SLC2A13: variants seen among roughly 807,000 people sequenced by gnomAD.
The protein encoded by SLC2A13 is proton myo-inositol cotransporter.
In SLC2A13, 32 loss-of-function variants were observed where a neutral mutation model predicts 64.4. The ratio of observed to expected loss-of-function variants is 0.50; its 90% CI spans 0.37 to 0.67. The LOEUF is 0.67. Ranked by LOEUF, SLC2A13 falls within the 30% of genes least tolerant of loss-of-function variation. The pLI is 0.00. For synonymous variants in SLC2A13, 338 were observed against 327.1 expected (o/e 1.03, Z -0.36); for missense variants, 743 against 829.2 (o/e 0.90, Z 1.28).
intron 4 of SLC2A13, among the ~76,000 whole-genome samples, chr12:39,875,768 G>T (rs887434831): frequency 6.6e-6 from 1 of 152,158 alleles, no homozygotes; most frequent in African/African-American, 2.4e-5. Context: ...ATGGTCTTAT[G>T]GGGAGATACA....
intron 6 of SLC2A13, among the ~76,000 whole-genome samples, chr12:39,864,383 T>C (rs954286635): frequency 5.3e-5 from 8 of 152,238 alleles, no homozygotes; most frequent in Non-Finnish European, 1.0e-4. Context: ...ATGTGCATCT[T>C]GTAAAAGTTT....
At chr12:39,934,869 C>A (rs1424347249) in intron 4 of SLC2A13, among the ~76,000 whole-genome samples, 1 of 152,116 alleles carries the variant, frequency 6.6e-6, no homozygotes, top group African/African-American at 2.4e-5. Context: ...AAACACTGTT[C>A]ATTTCTCTTC....
intron 2 of SLC2A13, among the ~76,000 whole-genome samples, chr12:40,041,894 AC>A (rs1247635229): frequency 2.0e-5 from 3 of 152,180 alleles, no homozygotes; most frequent in Non-Finnish European, 4.4e-5. Context: ...GAATTCATAG[AC>A]CATTGGAATC....
intron 7 of SLC2A13, among the ~76,000 whole-genome samples, chr12:39,779,810 A>G (rs1341314341): frequency 6.6e-6 from 1 of 152,234 alleles, no homozygotes; most frequent in South Asian, 2.1e-4. Flanking sequence ...TAAAAATTTC[A>G]AACTACACCA....
At chr12:39,797,766 A>G (rs1941630907) in intron 7 of SLC2A13, among the ~76,000 whole-genome samples, 1 of 152,040 alleles carries the variant, frequency 6.6e-6, no homozygotes, top group South Asian at 2.1e-4. Flanking sequence ...ACACACACAC[A>G]CACACACACA....
At chr12:39,856,438 G>A (rs1008358164) in intron 6 of SLC2A13, among the ~76,000 whole-genome samples, 2 of 152,090 alleles carry the variant, frequency 1.3e-5, no homozygotes, top group African/African-American at 4.8e-5. Context: ...GCGTGATCTC[G>A]GCTCACTGTA....
rs543033286 is a variant in SLC2A13, at chr12:39,951,300, C to T, written c.991G>A (p.Gly331Ser). ...GAGAGCTGCTGGAACATTTGTAGGC[C>T]ACAACCCACAATTAAAGCTCGGCGA... Reference protein sequence around the residue: ...PTRRALIVGCGLQMFQQLSGI... With the variant: ...PTRRALIVGCSLQMFQQLSGI... The change falls in exon 4 of 10, where the codon GGC (glycine) becomes AGC (serine). Residue 331 changes from glycine to serine, a missense_variant. This residue lies in a region of SLC2A13 where 295 missense variants were observed against 381.7 expected (regional missense o/e 0.77). Coordinates refer to ENST00000280871, the MANE Select transcript of SLC2A13 (RefSeq NM_052885.4). 210 of 1,612,314 alleles carry T rather than the reference C, an allele frequency of 1.3e-4. 1 individual carries two copies. In the South Asian group the frequency reaches 2.3e-3, roughly 17 times the overall value.
chr12:39,863,982 T>C (rs1943838186), intron 6 of SLC2A13, among the ~76,000 whole-genome samples: 1 of 152,214 alleles, frequency 6.6e-6, no homozygotes, highest in South Asian at 2.1e-4. Flanking sequence ...ATATACATTT[T>C]TGTTAAGGCT....
intron 4 of SLC2A13, among the ~76,000 whole-genome samples, chr12:39,901,993 C>T (rs906419175): frequency 9.9e-5 from 15 of 151,974 alleles, no homozygotes; most frequent in African/African-American, 3.4e-4. Context: ...ACATATACAC[C>T]ATGGAATACT....
At chr12:39,846,990 C>T (rs1201093803) in intron 6 of SLC2A13, among the ~76,000 whole-genome samples, 2 of 152,134 alleles carry the variant, frequency 1.3e-5, no homozygotes, top group African/African-American at 4.8e-5. Context: ...GTAGCTGTTT[C>T]ACTGGTTTCA....
intron 3 of SLC2A13, among the ~76,000 whole-genome samples, chr12:39,988,619 G>C (rs1361063489): frequency 7.0e-6 from 1 of 142,068 alleles, no homozygotes; most frequent in Non-Finnish European, 1.5e-5. Context: ...AGGAGGAGGA[G>C]GGGAAGGAGG....
intron 3 of SLC2A13, among the ~76,000 whole-genome samples, chr12:39,951,684 G>A (rs1193835975): frequency 2.0e-5 from 3 of 152,146 alleles, no homozygotes; most frequent in Admixed American, 6.6e-5. Context: ...AAGCTCTAGA[G>A]ATTAACCACT....
chr12:39,889,582 G>C (rs1483134933), intron 4 of SLC2A13, among the ~76,000 whole-genome samples: 1 of 134,660 alleles, frequency 7.4e-6, no homozygotes, highest in African/African-American at 2.8e-5. Flanking sequence ...CACTAGGCTA[G>C]ACTGCAGTAG....
chr12:40,065,757 T>C (rs1937695128), intron 1 of SLC2A13, among the ~76,000 whole-genome samples: 1 of 152,164 alleles, frequency 6.6e-6, no homozygotes, highest in Non-Finnish European at 1.5e-5. Context: ...ATAACCACAA[T>C]GGAGATAAGG....
At chr12:39,863,128 C>T (rs1331823215) in intron 6 of SLC2A13, among the ~76,000 whole-genome samples, 2 of 152,076 alleles carry the variant, frequency 1.3e-5, no homozygotes, top group Admixed American at 6.5e-5. Flanking sequence ...CAAATGGCTG[C>T]TTATTTTTGT....
At chr12:39,870,099 T>G (rs1944004879) in intron 5 of SLC2A13, among the ~76,000 whole-genome samples, 1 of 152,172 alleles carries the variant, frequency 6.6e-6, no homozygotes, top group Non-Finnish European at 1.5e-5. Flanking sequence ...GAATACCAAA[T>G]GAAGGAACGA....
intron 4 of SLC2A13, among the ~76,000 whole-genome samples, chr12:39,889,786 T>C (rs1024183334): frequency 2.6e-5 from 4 of 152,122 alleles, no homozygotes; most frequent in Non-Finnish European, 1.5e-5. Flanking sequence ...CGCCTTGGCC[T>C]CCCAAAGTGT....
At chr12:40,081,462 C>T (rs1232567256) in intron 1 of SLC2A13, among the ~76,000 whole-genome samples, 1 of 152,126 alleles carries the variant, frequency 6.6e-6, no homozygotes, top group Admixed American at 6.5e-5. Flanking sequence ...AGATTCTTTC[C>T]TCAGATTGGT....
chr12:40,034,551 T>C (rs1947949489), intron 2 of SLC2A13, among the ~76,000 whole-genome samples: 1 of 152,190 alleles, frequency 6.6e-6, no homozygotes, highest in Admixed American at 6.5e-5. Context: ...GTAATTCCAA[T>C]TAAGTTTTAT....
Sources: allele counts gnomAD v4.1 joint callset (sites outside exome capture counted in the v4.1 genomes callset), GRCh38; gene constraint gnomAD v4.1.1; regional missense constraint gnomAD v4.1.1; transcripts MANE v1.5; gene names NCBI Gene and HGNC (gene_info 2026-07-23, HGNC 2026-07-21).